BLM: variants seen among roughly 807,000 people sequenced by gnomAD.
BLM encodes recQ-like DNA helicase BLM.
BLM carries 95 observed loss-of-function variants against 135.3 expected under a neutral mutation model. The observed-to-expected ratio is 0.70, with a 90% CI of 0.59 to 0.83. BLM has a LOEUF of 0.83. BLM is among the 40% of genes least tolerant of loss of function. The probability of loss-of-function intolerance (pLI) is 0.00; values close to 1 mark genes in which losing one functional copy is unlikely to be tolerated. For missense variants in BLM, 1,518 were observed against 1,663.9 expected (o/e 0.91, Z 1.53); for synonymous variants, 520 against 589.2 (o/e 0.88, Z 1.70).
intron 17 of BLM, among the ~76,000 whole-genome samples, chr15:90,800,214 A>G (rs1897131414): frequency 6.6e-6 from 1 of 152,218 alleles, no homozygotes; most frequent in African/African-American, 2.4e-5. Flanking sequence ...GAAAACAGGA[A>G]CCCAAACCAG....
At chr15:90,790,499 A>C in intron 14 of BLM, 150 bp from the exon 15 acceptor site, 1 of 733,932 alleles carries the variant, frequency 1.4e-6, no homozygotes, top group Non-Finnish European at 2.3e-6. Context: ...TAGTTATACT[A>C]AATAGTTGGA....
intron 1 of BLM, among the ~76,000 whole-genome samples, chr15:90,733,611 C>T (rs890914374): frequency 6.6e-6 from 1 of 152,164 alleles, no homozygotes; most frequent in African/African-American, 2.4e-5. Flanking sequence ...TAAAGTAAAA[C>T]ATCTTAAAAC....
intron 1 of BLM, among the ~76,000 whole-genome samples, chr15:90,734,062 A>G (rs1236251590): frequency 6.6e-6 from 1 of 152,174 alleles, no homozygotes; most frequent in Non-Finnish European, 1.5e-5. Context: ...ATACTACCAA[A>G]CAGAACAGAA....
At chr15:90,751,755 C>G in intron 3 of BLM, 32 bp from the exon 4 acceptor site, 4 of 1,590,788 alleles carry the variant, frequency 2.5e-6, no homozygotes, top group Non-Finnish European at 3.4e-6. Context: ...TAGTGGTTAA[C>G]AAATCTATGT....
chr15:90,720,760 G>C (rs1303960292), intron 1 of BLM, among the ~76,000 whole-genome samples: 1 of 151,976 alleles, frequency 6.6e-6, no homozygotes, highest in African/African-American at 2.4e-5. Context: ...TGTAGAGATG[G>C]GCTTTTGATT....
chr15:90,754,842 A>G lies in BLM; in HGVS notation c.991A>G (p.Lys331Glu), dbSNP rs1596223773. The change falls in exon 5 of 22, where the codon AAA becomes GAA. Residue 331 changes from lysine to glutamate, a missense_variant. This residue lies in a region of BLM where 724 missense variants were observed against 756.9 expected (regional missense o/e 0.96). Coordinates refer to ENST00000355112, the MANE Select transcript of BLM (RefSeq NM_000057.4). ...AAAGGACCTTGACACCTCTGACAGA[A>G]AAGAGGATGTTCTTAGCACATCAAA... Reference protein sequence around the residue: ...TLKDLDTSDRKEDVLSTSKDL... With the variant: ...TLKDLDTSDREEDVLSTSKDL... 6.2e-7 allele frequency: 1 copy of G among 1,613,938 alleles called. No individual in the cohort carries two copies.
intron 1 of BLM, among the ~76,000 whole-genome samples, chr15:90,736,070 C>T (rs1895206225): frequency 6.6e-6 from 1 of 152,188 alleles, no homozygotes. Context: ...CACTGAAATA[C>T]CGTTTCTCAC....
Position 90,766,939 on chromosome 15 carries a change from G to A in BLM, c.2223G>A (p.Lys741=), listed in dbSNP as rs1489393467. The part of the protein sequence containing the change: ...DIPATYLTGD[K]TDSEATNIYL... ...CAGCTACATATCTGACAGGTGATAA[G>A]ACTGACTCAGAAGCTACAAATATTT... is the stretch of plus-strand genomic sequence containing the variant. The change falls in exon 10 of 22, where the codon AAG becomes AAA. Residue 741 remains lysine (K), a synonymous_variant. Coordinates refer to ENST00000355112, the MANE Select transcript of BLM (RefSeq NM_000057.4). 4 of 1,604,124 alleles carry A rather than the reference G, an allele frequency of 2.5e-6. No individual in the cohort carries two copies. The highest frequency in any genetic ancestry group is 2.7e-5 in the African/African-American group (2 of 74,664).
intron 14 of BLM, among the ~76,000 whole-genome samples, chr15:90,786,355 CAT>C (rs1896749913): frequency 1.3e-5 from 2 of 152,210 alleles, no homozygotes; most frequent in South Asian, 4.2e-4. Context: ...TTTCCACGGA[CAT>C]ATGTTTTCAG....
Position 90,761,006 on chromosome 15 carries a change from A to G in BLM, c.1633A>G (p.Arg545Gly), listed in dbSNP as rs1596230280. ...KHTASINDLERETQPSYDIDN... is the reference protein window; with the variant it reads ...KHTASINDLEGETQPSYDIDN... ...TACTGCTTCAATAAATGACTTAGAA[A>G]GAGAAACCCAACCTTCCTATGATAT... is the stretch of plus-strand genomic sequence containing the variant. The change falls in exon 7 of 22, where the codon AGA becomes GGA. Residue 545 changes from arginine to glycine, a missense_variant. Coordinates refer to ENST00000355112, the MANE Select transcript of BLM (RefSeq NM_000057.4). 1.2e-6 allele frequency: 2 copies of G among 1,608,244 alleles called. No homozygotes were observed. Among genetic ancestry groups the G allele is most frequent in the Non-Finnish European group, 1.7e-6 (2 of 1,177,870 alleles).
rs367543029 is a variant in BLM at position 90,794,311 on chromosome 15, G to A, written c.3164G>A (p.Cys1055Tyr). The change falls in exon 16 of 22, where the codon TGT (cysteine) becomes TAT (tyrosine). Residue 1055 changes from cysteine (C) to tyrosine (Y), a missense_variant. Coordinates refer to ENST00000355112, the MANE Select transcript of BLM (RefSeq NM_000057.4). ...GAAAATGGATTTAATCCTGATTTTT[G>A]TAAGAAACACCCAGATGTTTCTTGT... ...FGENGFNPDF[C>Y]KKHPDVSCDN... 2 of 1,605,734 alleles carry A rather than the reference G, an allele frequency of 1.2e-6. No individual in the cohort carries two copies. The highest frequency in any genetic ancestry group is 1.3e-5 in the African/African-American group (1 of 74,948).
intron 4 of BLM, 71 bp downstream of exon 4, chr15:90,752,017 A>G: frequency 7.5e-7 from 1 of 1,335,348 alleles, no homozygotes; most frequent in Non-Finnish European, 1.0e-6. Context: ...TTAGTTTATA[A>G]TATCATTTCT....
chr15:90,757,785 C>T (rs537830049), intron 5 of BLM, among the ~76,000 whole-genome samples: 3 of 152,258 alleles, frequency 2.0e-5, no homozygotes, highest in South Asian at 4.2e-4. Flanking sequence ...GTACTGTTTC[C>T]CCTGCAGCCC....
intron 1 of BLM, among the ~76,000 whole-genome samples, chr15:90,735,260 T>G (rs868583143): frequency 1.7e-3 from 252 of 145,446 alleles, no homozygotes; most frequent in South Asian, 3.4e-3. Context: ...TATATATATA[T>G]ATATATATAT....
intron 21 of BLM, among the ~76,000 whole-genome samples, chr15:90,813,560 A>ATTTTTGTAT (rs1383833640): frequency 9.9e-5 from 15 of 152,144 alleles, no homozygotes; most frequent in South Asian, 2.1e-4. Context: ...CGCTGGGCTA[A>ATTTTTGTAT]TTTTTGTATT....
At chr15:90,727,273 T>G (rs1458411262) in intron 1 of BLM, among the ~76,000 whole-genome samples, 1 of 152,092 alleles carries the variant, frequency 6.6e-6, no homozygotes, top group African/African-American at 2.4e-5. Context: ...CTCAGCCTCC[T>G]AAAGTGCTAG....
intron 13 of BLM, 142 bp from the exon 14 acceptor site, chr15:90,784,779 T>C: frequency 3.5e-6 from 3 of 853,564 alleles, no homozygotes; most frequent in South Asian, 1.7e-5. Flanking sequence ...GCTTGAATTA[T>C]TCACGTGTGT....
intron 1 of BLM, among the ~76,000 whole-genome samples, chr15:90,733,474 G>A (rs1379011659): frequency 6.6e-6 from 1 of 152,164 alleles, no homozygotes; most frequent in East Asian, 1.9e-4. Flanking sequence ...TAATCCTAAT[G>A]CTAAATAAAT....
chr15:90,781,612 G>A (rs370602745), intron 12 of BLM, among the ~76,000 whole-genome samples: 13 of 152,190 alleles, frequency 8.5e-5, no homozygotes, highest in South Asian at 4.2e-4. Context: ...GGTGACAAGC[G>A]CGAGACTCCC....
Sources: gnomAD v4.1 joint callset for allele counts (sites outside exome capture counted in the v4.1 genomes callset) on GRCh38, gnomAD v4.1.1 for gene constraint, gnomAD v4.1.1 regional missense constraint, MANE v1.5 for transcripts, NCBI Gene and HGNC (gene_info 2026-07-23, HGNC 2026-07-21) for gene names.